PTPRD: variants seen among roughly 807,000 people sequenced by gnomAD.
PTPRD encodes the protein protein tyrosine phosphatase receptor type D.
A neutral mutation model predicts 214.5 loss-of-function variants in PTPRD; 34 were observed. The observed-to-expected ratio is 0.16, with a 90% confidence interval of 0.12 to 0.21. The LOEUF is 0.21. PTPRD is among the 10% of genes least tolerant of loss of function. The pLI, the probability that PTPRD is intolerant of heterozygous loss-of-function variation, is 1.00. For missense variants in PTPRD, 2,545 were observed against 2,398.7 expected (o/e 1.06, Z -1.27); for synonymous variants, 1,128 against 845.7 (o/e 1.33, Z -5.79).
chr9:9,807,599 T>C (rs1258329596), intron 5 of PTPRD, among the ~76,000 whole-genome samples: 1 of 152,180 alleles, frequency 6.6e-6, no homozygotes, highest in Non-Finnish European at 1.5e-5. Context: ...CTGAGATAAC[T>C]TTGTGAAAAT....
At chr9:10,314,882 T>C (rs2096379900) in intron 3 of PTPRD, among the ~76,000 whole-genome samples, 1 of 151,934 alleles carries the variant, frequency 6.6e-6, no homozygotes, top group Non-Finnish European at 1.5e-5. Context: ...ACTCATCCTT[T>C]CAGAATTGCA....
Position 10,599,008 on chromosome 9 carries a change from G to T in PTPRD, c.-600+13390C>A, listed in dbSNP as rs1271243892. On this transcript the variant is annotated intron_variant, in intron 2 of 45. Transcript: ENST00000381196. ...CTAGGTACACAACTAAACAGCTATG[G>T]GACTACATTTCCCAGCTTCACGTGC... Among the ~76,000 whole-genome samples the T allele has an allele frequency of 4.6e-5, 7 of 151,508 alleles. No homozygotes were observed. The Admixed American group carries it at 4.6e-4, about 10-fold the overall frequency.
chr9:8,711,606 T>C (rs992284126), intron 12 of PTPRD, among the ~76,000 whole-genome samples: 4 of 152,192 alleles, frequency 2.6e-5, no homozygotes, highest in African/African-American at 7.2e-5. Context: ...CTCAGCCTGA[T>C]TGCCCAGCAG....
rs374702926 is a variant in PTPRD, at chr9:9,942,661, A to G, written c.-471-4051T>C. ...CGACTTCTACAATTTTGCAAATCTT[A>G]CAGGTGAAAAGTTTTATATCAATGC... On this transcript the variant is annotated intron_variant, in intron 4 of 45. Transcript: ENST00000381196. Among the ~76,000 whole-genome samples the G allele has an allele frequency of 4.6e-5, 7 of 152,272 alleles. No individual in the cohort carries two copies. In the East Asian group the frequency reaches 1.2e-3, roughly 25 times the overall value.
intron 4 of PTPRD, among the ~76,000 whole-genome samples, chr9:9,984,899 C>A (rs1315974098): frequency 6.6e-6 from 1 of 152,006 alleles, no homozygotes; most frequent in Admixed American, 6.6e-5. Flanking sequence ...CCATGCACAC[C>A]CAAAAACCAA....
At chr9:9,790,967 G>C (rs2098962940) in intron 5 of PTPRD, among the ~76,000 whole-genome samples, 1 of 152,100 alleles carries the variant, frequency 6.6e-6, no homozygotes, top group Admixed American at 6.5e-5. Context: ...AAGACAGATG[G>C]TTCAGTACAT....
chr9:9,280,975 T>A (rs368697997), intron 9 of PTPRD, among the ~76,000 whole-genome samples: 2 of 151,230 alleles, frequency 1.3e-5, no homozygotes, highest in African/African-American at 4.8e-5. Flanking sequence ...CACATACACA[T>A]AATCAAGTAA....
Position 9,707,623 on chromosome 9 carries a change from C to A in PTPRD, c.-287+26910G>T, listed in dbSNP as rs575076799. On this transcript the variant is annotated intron_variant, in intron 7 of 45. Transcript: ENST00000381196. ...GCCTACATTTTTCTGAAGTTATTAGCAAAAAATAGTTTTGCCTATGAATTA... is the reference window on the plus strand; with the variant it reads ...GCCTACATTTTTCTGAAGTTATTAGAAAAAAATAGTTTTGCCTATGAATTA... 4.6e-5 allele frequency among the ~76,000 whole-genome samples: 7 copies of A among 152,052 alleles called. No homozygotes were observed. In the South Asian group the frequency reaches 1.5e-3, roughly 32 times the overall value.
intron 2 of PTPRD, among the ~76,000 whole-genome samples, chr9:10,550,275 T>C (rs1321750827): frequency 6.6e-6 from 1 of 152,170 alleles, no homozygotes; most frequent in Non-Finnish European, 1.5e-5. Flanking sequence ...CTTTTATACA[T>C]ATATAATTTT....
At chr9:8,852,094 C>A (rs1237600341) in intron 11 of PTPRD, among the ~76,000 whole-genome samples, 2 of 152,058 alleles carry the variant, frequency 1.3e-5, no homozygotes, top group Non-Finnish European at 2.9e-5. Context: ...TACTTGTGAT[C>A]CAATCATTAC....
chr9:9,423,569 A>T (rs1469403400), intron 8 of PTPRD, among the ~76,000 whole-genome samples: 1 of 152,224 alleles, frequency 6.6e-6, no homozygotes, highest in Non-Finnish European at 1.5e-5. Context: ...GAGACAACAG[A>T]AACATACTCA....
chr9:10,036,834 G>A (rs549687934), intron 3 of PTPRD, among the ~76,000 whole-genome samples: 7 of 151,658 alleles, frequency 4.6e-5, no homozygotes, highest in South Asian at 2.1e-4. Flanking sequence ...TGCCCGCCTC[G>A]GCCTCCCAAA....
Position 10,121,263 on chromosome 9 carries a change from G to T in PTPRD, c.-544-87473C>A, listed in dbSNP as rs75877038. 6.9e-3 allele frequency among the ~76,000 whole-genome samples: 1,046 copies of T among 152,234 alleles called. 9 individuals carry two copies. The highest frequency in any genetic ancestry group is 0.02 in the African/African-American group (829 of 41,546). On this transcript the variant is annotated intron_variant, in intron 3 of 45. Coordinates refer to ENST00000381196, the MANE Select transcript of PTPRD (RefSeq NM_002839.4). ...CTTTCTTTAGCCATGTAATTGGAGG[G>T]AAATGGTAGCATGGATAATCCTAAA... is the stretch of plus-strand genomic sequence containing the variant.
chr9:9,100,684 C>T (rs1173305538), intron 10 of PTPRD, among the ~76,000 whole-genome samples: 2 of 152,124 alleles, frequency 1.3e-5, no homozygotes, highest in Non-Finnish European at 2.9e-5. Flanking sequence ...ACAGTAGCCA[C>T]ATTCCGAAGG....
intron 5 of PTPRD, among the ~76,000 whole-genome samples, chr9:9,808,175 C>T (rs2046020203): frequency 6.6e-6 from 1 of 152,142 alleles, no homozygotes; most frequent in Admixed American, 6.5e-5. Context: ...TACTTCATAA[C>T]TATTATGTTT....
At chr9:10,031,673 C>CACACACAT (rs2097080467) in intron 4 of PTPRD, among the ~76,000 whole-genome samples, 1 of 137,760 alleles carries the variant, frequency 7.3e-6, no homozygotes, top group African/African-American at 3.1e-5. Flanking sequence ...CACATACACA[C>CACACACAT]ACACACACAT....
At chr9:8,354,005 C>T (rs1023307395) in intron 39 of PTPRD, among the ~76,000 whole-genome samples, 1 of 140,922 alleles carries the variant, frequency 7.1e-6, no homozygotes, top group Admixed American at 7.2e-5. Context: ...TGTTGCCAGG[C>T]TGGAGTGCAG....
intron 3 of PTPRD, among the ~76,000 whole-genome samples, chr9:10,304,972 C>G (rs965753249): frequency 6.6e-6 from 1 of 152,110 alleles, no homozygotes; most frequent in Non-Finnish European, 1.5e-5. Context: ...GCAAAGAGAA[C>G]AAAGCTGGAG....
intron 5 of PTPRD, among the ~76,000 whole-genome samples, chr9:9,895,880 G>A (rs536875242): frequency 1.6e-4 from 24 of 151,920 alleles, no homozygotes; most frequent in African/African-American, 2.9e-4. Context: ...AGTCTATCAC[G>A]AAGGTGATGA....
Sources: gnomAD v4.1 joint callset for allele counts (sites outside exome capture counted in the v4.1 genomes callset) on GRCh38, gnomAD v4.1.1 for gene constraint, MANE v1.5 for transcripts, NCBI Gene and HGNC (gene_info 2026-07-23, HGNC 2026-07-21) for gene names.